The following CRTC1 variants were observed in gnomAD, a reference collection of about 807,000 sequenced individuals.
CRTC1 encodes the protein CREB regulated transcription coactivator 1.
CRTC1 carries 18 observed loss-of-function variants against 66.1 expected under a neutral mutation model. The ratio of observed to expected loss-of-function variants is 0.27; its 90% CI spans 0.19 to 0.40. The LOEUF is 0.40. CRTC1 is among the 10% of genes least tolerant of loss of function. The pLI, the probability that CRTC1 is intolerant of heterozygous loss-of-function variation, is 1.00. For synonymous variants in CRTC1, 416 were observed against 398.8 expected (o/e 1.04, Z -0.51); for missense variants, 669 against 887.9 (o/e 0.75, Z 3.13).
intron 1 of CRTC1, among the ~76,000 whole-genome samples, chr19:18,710,239 A>C (rs2053360405): frequency 2.0e-5 from 3 of 150,394 alleles, no homozygotes; most frequent in African/African-American, 4.9e-5. Context: ...CCATCTACCC[A>C]CCCAGCTGCC....
chr19:18,731,328 C>G (rs936791185), intron 1 of CRTC1, among the ~76,000 whole-genome samples: 1 of 152,140 alleles, frequency 6.6e-6, no homozygotes, highest in African/African-American at 2.4e-5. Context: ...GGTGGCCCAG[C>G]GATCCTCGGC....
rs140488871 is a variant in CRTC1 at position 18,764,257 on chromosome 19, C to T, written c.887-1147C>T. 3.1e-3 allele frequency among the ~76,000 whole-genome samples: 479 copies of T among 152,360 alleles called. 4 individuals are homozygous for T. The highest frequency in any genetic ancestry group is 0.011 in the African/African-American group (460 of 41,586). On this transcript the variant is annotated intron_variant, in intron 8 of 13. Coordinates refer to ENST00000321949, the MANE Select transcript of CRTC1 (RefSeq NM_015321.3). ...CCCAGATCTCCTGGGGTGAGTCAGG[C>T]GGCTTCACCCCCGCCTTGACTGCAG...
intron 1 of CRTC1, among the ~76,000 whole-genome samples, chr19:18,710,834 C>G (rs1428699292): frequency 6.6e-6 from 1 of 152,142 alleles, no homozygotes; most frequent in African/African-American, 2.4e-5. Context: ...CCAGGCTGGT[C>G]TCGAACTCCT....
intron 5 of CRTC1, among the ~76,000 whole-genome samples, chr19:18,753,121 A>T (rs1175293381): frequency 6.6e-5 from 10 of 151,774 alleles, no homozygotes. Flanking sequence ...AAAAATAAAA[A>T]AAAAATTAGC....
At position 18,777,816 on chromosome 19, in the gene CRTC1, T is replaced by G. The variant is rs1477075057; in HGVS notation, c.*434T>G. 1 of 292,546 alleles carries G rather than the reference T, an allele frequency of 3.4e-6. No individual in the cohort carries two copies. Among genetic ancestry groups the G allele is most frequent in the Non-Finnish European group, 6.4e-6 (1 of 155,852 alleles). 18.1% of individuals were successfully genotyped at this position (292,546 alleles called of 1,614,324 possible). On this transcript the variant is annotated 3_prime_UTR_variant, in exon 14 of 14. Coordinates refer to ENST00000321949, the MANE Select transcript of CRTC1 (RefSeq NM_015321.3). The surrounding 1 kb of genome is among the most constrained non-coding windows in gnomAD (Gnocchi z 5.5). ...ACTGTTTGTCCAGCTCTCACTGCCT[T>G]CCTTGGTTCCCGGTCCCCCAGCCCA...
intron 5 of CRTC1, among the ~76,000 whole-genome samples, chr19:18,750,310 G>A (rs1461514042): frequency 1.3e-5 from 2 of 152,194 alleles, no homozygotes; most frequent in African/African-American, 4.8e-5. Flanking sequence ...CTGCTGCTGA[G>A]AACTCTCCTC....
chr19:18,756,880 ATCGCCGGTG>A (rs1475626190), intron 6 of CRTC1, among the ~76,000 whole-genome samples: 2 of 152,190 alleles, frequency 1.3e-5, no homozygotes, highest in Non-Finnish European at 2.9e-5. Flanking sequence ...TGAGAACGTG[ATCGCCGGTG>A]TGCTTTGCAG....
intron 1 of CRTC1, among the ~76,000 whole-genome samples, chr19:18,726,520 C>T (rs1407383477): frequency 6.6e-6 from 1 of 152,178 alleles, no homozygotes; most frequent in Non-Finnish European, 1.5e-5. Flanking sequence ...TCATGTTCAT[C>T]CAGAACCTGT....
intron 1 of CRTC1, among the ~76,000 whole-genome samples, chr19:18,708,520 A>T (rs552208464): frequency 6.6e-6 from 1 of 152,156 alleles, no homozygotes; most frequent in East Asian, 1.9e-4. Context: ...GGCTGGGGGA[A>T]TCGGGACCAT....
intron 4 of CRTC1, 39 bp from the exon 5 acceptor site, chr19:18,749,742 T>G: frequency 6.5e-7 from 1 of 1,543,368 alleles, no homozygotes; most frequent in South Asian, 1.1e-5. Context: ...TTGTCTGCCT[T>G]GGGCTGAGGC....
intron 6 of CRTC1, among the ~76,000 whole-genome samples, chr19:18,759,169 C>T (rs1212871301): frequency 6.6e-6 from 1 of 152,180 alleles, no homozygotes; most frequent in African/African-American, 2.4e-5. Flanking sequence ...CACCACTGCA[C>T]TCTAGCCTGG....
At chr19:18,726,870 G>T (rs1325327026) in intron 1 of CRTC1, among the ~76,000 whole-genome samples, 1 of 149,320 alleles carries the variant, frequency 6.7e-6, no homozygotes, top group Non-Finnish European at 1.5e-5. Flanking sequence ...AGGTTGCAGC[G>T]AGCCGAGATC....
At chr19:18,767,707 C>A (rs1463752938) in intron 9 of CRTC1, among the ~76,000 whole-genome samples, 1 of 152,224 alleles carries the variant, frequency 6.6e-6, no homozygotes, top group East Asian at 1.9e-4. Flanking sequence ...GTGTCTTCAG[C>A]CACTTTGTGA....
chr19:18,751,136 T>C (rs1352852191), intron 5 of CRTC1, among the ~76,000 whole-genome samples: 1 of 152,126 alleles, frequency 6.6e-6, no homozygotes, highest in Non-Finnish European at 1.5e-5. Flanking sequence ...CAGCCTGGCT[T>C]TCAACAAGGA....
chr19:18,746,506 C>T lies in CRTC1; in HGVS notation c.381+546C>T, dbSNP rs1246065911. 2.0e-5 allele frequency among the ~76,000 whole-genome samples: 3 copies of T among 151,536 alleles called. No homozygotes were observed. In the East Asian group the frequency reaches 5.8e-4, roughly 29 times the overall value. On this transcript the variant is annotated intron_variant, in intron 3 of 13. Coordinates refer to ENST00000321949, the MANE Select transcript of CRTC1 (RefSeq NM_015321.3). ...CCCCTCCCCCCCAACTCAGCCGCCC[C>T]TTGGTGCTCAGCCAGCCGGGCCCCA...
In CRTC1 at chr19:18,768,676, C is replaced by T. The variant is rs770774078; in HGVS notation, c.1203C>T (p.Ser401=). 13 of 1,563,630 alleles carry T rather than the reference C, an allele frequency of 8.3e-6. No individual in the cohort carries two copies. In the South Asian group the frequency reaches 9.4e-5, roughly 11 times the overall value. The change falls in exon 10 of 14, where the codon AGC becomes AGT. Residue 401 remains serine (S), a synonymous_variant. Transcript: ENST00000321949. This position sits in a 1 kb window ranked among gnomAD's most constrained non-coding sequence, Gnocchi z 5.6. ...RLPPGGPLLP[S]ASLTRGPQPP... ...CCCCTGGTGGCCCCCTGTTGCCCAGCGCCAGCCTGACTCGTGGGCCACAGC... is the reference window on the plus strand; with the variant it reads ...CCCCTGGTGGCCCCCTGTTGCCCAGTGCCAGCCTGACTCGTGGGCCACAGC...
At chr19:18,722,511 C>T (rs907534429) in intron 1 of CRTC1, among the ~76,000 whole-genome samples, 2 of 152,178 alleles carry the variant, frequency 1.3e-5, no homozygotes, top group Non-Finnish European at 2.9e-5. Flanking sequence ...GAGGAGAAGA[C>T]ACAGGCACAC....
intron 1 of CRTC1, among the ~76,000 whole-genome samples, chr19:18,712,356 T>A (rs2053411420): frequency 6.6e-6 from 1 of 152,036 alleles, no homozygotes; most frequent in Admixed American, 6.6e-5. Flanking sequence ...CCTCCCGGGT[T>A]TAAGTGATTC....
At chr19:18,757,221 C>T (rs1270022435) in intron 6 of CRTC1, among the ~76,000 whole-genome samples, 1 of 152,130 alleles carries the variant, frequency 6.6e-6, no homozygotes, top group East Asian at 1.9e-4. Flanking sequence ...TCTGTCTGGT[C>T]ATGCCTGCCA....
Sources: gnomAD v4.1 joint callset for allele counts (sites outside exome capture counted in the v4.1 genomes callset) on GRCh38, gnomAD v4.1.1 for gene constraint, Gnocchi (gnomAD v3.1) non-coding constraint, MANE v1.5 for transcripts, NCBI Gene and HGNC (gene_info 2026-07-23, HGNC 2026-07-21) for gene names.